Variants in ERC2 observed in about 807,000 individuals in gnomAD.
ERC2 encodes the protein ERC protein 2.
Under a neutral mutation model 114.8 loss-of-function variants are expected in ERC2, and 42 were observed. The ratio of observed to expected loss-of-function variants is 0.37; its 90% CI spans 0.29 to 0.47. ERC2 has a LOEUF of 0.47. Among genes scored for constraint, ERC2 ranks in the 20% least tolerant of loss-of-function variants. The pLI is 0.99. For missense variants in ERC2, 939 were observed against 1,150.7 expected, an observed-to-expected ratio of 0.82 and a Z score of 2.66; for synonymous variants, 454 against 425.5, an observed-to-expected ratio of 1.07 and a Z score of -0.82.
At chr3:55,915,441 A>T (rs1371315941) in intron 13 of ERC2, among the ~76,000 whole-genome samples, 1 of 152,168 alleles carries the variant, frequency 6.6e-6, no homozygotes, top group African/African-American at 2.4e-5. Context: ...ACTTATATTA[A>T]TTTATAATAC....
chr3:55,775,595 G>T (rs1268714265), intron 14 of ERC2, among the ~76,000 whole-genome samples: 1 of 143,322 alleles, frequency 7.0e-6, no homozygotes, highest in African/African-American at 2.5e-5. Context: ...AAAGGAAAAA[G>T]TGAGACAGAC....
At chr3:55,769,469 G>A (rs1185294717) in intron 14 of ERC2, among the ~76,000 whole-genome samples, 1 of 151,884 alleles carries the variant, frequency 6.6e-6, no homozygotes, top group Non-Finnish European at 1.5e-5. Context: ...TGGGCAGAAG[G>A]TAGAAAAGGT....
rs77049179 is a variant in ERC2 at position 55,889,904 on chromosome 3, T to C, written c.2404-1355A>G. ...AATTTATTCAGAATAAGCATTATAG[T>C]TCACATCCAAGGTAAATTATATGCT... On this transcript the variant is annotated intron_variant, in intron 13 of 17. Transcript: ENST00000288221. Among the ~76,000 whole-genome samples, 943 of 152,342 alleles carry C rather than the reference T, an allele frequency of 6.2e-3. 12 individuals are homozygous for C. The highest frequency in any genetic ancestry group is 0.021 in the African/African-American group (889 of 41,578).
chr3:55,817,156 C>T (rs1440791998), intron 14 of ERC2, among the ~76,000 whole-genome samples: 1 of 152,224 alleles, frequency 6.6e-6, no homozygotes, highest in African/African-American at 2.4e-5. Flanking sequence ...CAATAACTCA[C>T]AACCACCTTC....
At chr3:55,607,224 GAC>G (rs1328099530) in intron 17 of ERC2, among the ~76,000 whole-genome samples, 1 of 152,160 alleles carries the variant, frequency 6.6e-6, no homozygotes, top group Non-Finnish European at 1.5e-5. Flanking sequence ...GCAGTTACAG[GAC>G]AGCGGGTAAG....
At chr3:56,212,748 ATGTGTG>A (rs143167915) in intron 3 of ERC2, among the ~76,000 whole-genome samples, 1 of 151,434 alleles carries the variant, frequency 6.6e-6, no homozygotes, top group Non-Finnish European at 1.5e-5. Flanking sequence ...TGATATATAT[ATGTGTG>A]TGTGTGTGTG....
chr3:56,336,776 G>T (rs1395804803), intron 2 of ERC2, among the ~76,000 whole-genome samples: 3 of 152,152 alleles, frequency 2.0e-5, no homozygotes. Flanking sequence ...TAGCCTGGGG[G>T]ATAGAGCGAG....
At chr3:56,109,089 G>A (rs1228533992) in intron 6 of ERC2, among the ~76,000 whole-genome samples, 1 of 151,990 alleles carries the variant, frequency 6.6e-6, no homozygotes, top group Non-Finnish European at 1.5e-5. Flanking sequence ...TGTCACAGGG[G>A]TTTGTCATAT....
chr3:55,608,544 C>T (rs1335813016), intron 17 of ERC2, among the ~76,000 whole-genome samples: 1 of 152,104 alleles, frequency 6.6e-6, no homozygotes, highest in Non-Finnish European at 1.5e-5. Flanking sequence ...CGCGATCAGC[C>T]CCGGCACTAC....
chr3:55,827,547 C>T lies in ERC2; in HGVS notation c.2564+60842G>A, dbSNP rs542315986. Among the ~76,000 whole-genome samples, 5 of 152,268 alleles carry T rather than the reference C, an allele frequency of 3.3e-5. No homozygotes were observed. In the South Asian group the frequency reaches 1.0e-3, roughly 32 times the overall value. On this transcript the variant is annotated intron_variant, in intron 14 of 17. Transcript: ENST00000288221. ...GCTATATCTGATAATTCATAAATGC[C>T]ACTGCACATGTGGGTAAAGATGTTG...
chr3:56,232,952 C>T (rs577196049), intron 3 of ERC2, among the ~76,000 whole-genome samples: 16 of 152,318 alleles, frequency 1.1e-4, no homozygotes, highest in African/African-American at 3.6e-4. Context: ...AAATCACTTC[C>T]TCGAAAAAAC....
intron 17 of ERC2, among the ~76,000 whole-genome samples, chr3:55,577,365 C>T (rs2057037059): frequency 6.6e-6 from 1 of 152,008 alleles, no homozygotes; most frequent in African/African-American, 2.4e-5. Flanking sequence ...AATAAAAGGG[C>T]AGTGAGAGAT....
At chr3:56,142,269 C>T (rs529478770) in intron 5 of ERC2, among the ~76,000 whole-genome samples, 11 of 152,136 alleles carry the variant, frequency 7.2e-5, no homozygotes, top group Admixed American at 2.0e-4. Context: ...TTATGTCTTC[C>T]TTTTCATTTC....
intron 2 of ERC2, among the ~76,000 whole-genome samples, chr3:56,297,390 C>T (rs2055520317): frequency 6.6e-6 from 1 of 152,060 alleles, no homozygotes; most frequent in Admixed American, 6.6e-5. Flanking sequence ...AACAGAAAGT[C>T]TTGAAAGTAT....
chr3:56,245,490 A>ATGTG (rs975998214), intron 3 of ERC2, among the ~76,000 whole-genome samples: 1 of 139,346 alleles, frequency 7.2e-6, no homozygotes, highest in African/African-American at 2.7e-5. Flanking sequence ...AGACGTATGT[A>ATGTG]TGTGTGTGTG....
chr3:55,847,236 A>G (rs986174969), intron 14 of ERC2, among the ~76,000 whole-genome samples: 1 of 152,222 alleles, frequency 6.6e-6, no homozygotes, highest in African/African-American at 2.4e-5. Context: ...TAAGTTATAA[A>G]CCTATAAAGC....
chr3:56,175,100 T>C (rs141992658), intron 3 of ERC2, among the ~76,000 whole-genome samples: 2,736 of 152,330 alleles, frequency 0.018, 27 homozygotes, highest in Admixed American at 0.03. Context: ...CATCCTATTA[T>C]GCTGTTCTTA....
chr3:56,440,262 G>A (rs1320418936), intron 1 of ERC2, among the ~76,000 whole-genome samples: 2 of 152,146 alleles, frequency 1.3e-5, no homozygotes, highest in Non-Finnish European at 2.9e-5. Flanking sequence ...AACTGAATGC[G>A]GCCGGGCGAG....
rs2056352192 is a variant in ERC2 at position 56,308,366 on chromosome 3, A to C, written c.658-11931T>G. On this transcript the variant is annotated intron_variant, in intron 2 of 17. Coordinates refer to ENST00000288221, the MANE Select transcript of ERC2 (RefSeq NM_015576.3). ...AGAAGTTACAATGAAAATACAAGAA[A>C]CTAAGCCCTACTTGAGTTTATATAA... Among the ~76,000 whole-genome samples the C allele has an allele frequency of 3.9e-5, 6 of 152,234 alleles. No individual in the cohort carries two copies. In the South Asian group the frequency reaches 1.0e-3, roughly 26 times the overall value.
Sources: allele counts gnomAD v4.1 joint callset (sites outside exome capture counted in the v4.1 genomes callset), GRCh38; gene constraint gnomAD v4.1.1; transcripts MANE v1.5; gene names NCBI Gene and HGNC (gene_info 2026-07-23, HGNC 2026-07-21).